The following STK32C variants were observed in gnomAD, a reference collection of about 807,000 sequenced individuals.
STK32C encodes the protein serine/threonine kinase 32C.
Under a neutral mutation model 56.5 loss-of-function variants are expected in STK32C, and 31 were observed. That is an observed-to-expected ratio of 0.55 (90% CI 0.41 to 0.74). The LOEUF (loss-of-function observed/expected upper bound fraction) is 0.74. STK32C is among the 30% of genes least tolerant of loss of function. The pLI is 0.00. For missense variants in STK32C, 544 were observed against 676.9 expected, an observed-to-expected ratio of 0.80 and a Z score of 2.18; for synonymous variants, 309 against 289.4, an observed-to-expected ratio of 1.07 and a Z score of -0.69.
intron 1 of STK32C, among the ~76,000 whole-genome samples, chr10:132,327,236 C>T (rs900198079): frequency 6.6e-6 from 1 of 152,128 alleles, no homozygotes; most frequent in Non-Finnish European, 1.5e-5. Context: ...AAGGGGAGTT[C>T]CCCTGCACAA....
At chr10:132,318,756 C>T (rs979370238) in intron 1 of STK32C, among the ~76,000 whole-genome samples, 1 of 151,732 alleles carries the variant, frequency 6.6e-6, no homozygotes, top group Non-Finnish European at 1.5e-5. Context: ...TTTAAAATTG[C>T]TTTTAGTTTA....
At chr10:132,271,124 CAG>C (rs897017316) in intron 1 of STK32C, among the ~76,000 whole-genome samples, 6 of 152,126 alleles carry the variant, frequency 3.9e-5, no homozygotes, top group Non-Finnish European at 7.4e-5. Flanking sequence ...GATAGAAATA[CAG>C]GGGGTGAGGA....
At chr10:132,331,902 G>T, upstream of STK32C, 1 of 881,372 alleles carries the variant, frequency 1.1e-6, no homozygotes, top group Non-Finnish European at 1.6e-6. Context: ...CCACCCCCGC[G>T]CAGGCGCACC....
chr10:132,294,206 C>T (rs576152602), intron 1 of STK32C, among the ~76,000 whole-genome samples: 111 of 151,302 alleles, frequency 7.3e-4, no homozygotes, highest in Non-Finnish European at 1.3e-3. Flanking sequence ...AGCCCCAGCA[C>T]GGCAGAGTCA....
intron 10 of STK32C, among the ~76,000 whole-genome samples, chr10:132,210,468 GAACTCCTGACCTC>G (rs2062255381): frequency 6.6e-6 from 1 of 152,216 alleles, no homozygotes; most frequent in African/African-American, 2.4e-5. Flanking sequence ...CGCCAGTCTT[GAACTCCTGACCTC>G]AGGTGCTCCG....
intron 1 of STK32C, among the ~76,000 whole-genome samples, chr10:132,298,539 G>A (rs73383281): frequency 0.011 from 1,670 of 152,294 alleles, 28 homozygotes; most frequent in African/African-American, 0.038. Flanking sequence ...GGACATGCTG[G>A]GAGGAGCCTG....
At chr10:132,266,408 G>C (rs1009322932) in intron 1 of STK32C, among the ~76,000 whole-genome samples, 14 of 152,260 alleles carry the variant, frequency 9.2e-5, no homozygotes, top group African/African-American at 2.6e-4. Flanking sequence ...GGTTACACAG[G>C]TGTGCCCATC....
chr10:132,220,598 G>A (rs2062607161), intron 10 of STK32C, among the ~76,000 whole-genome samples: 2 of 152,202 alleles, frequency 1.3e-5, no homozygotes, highest in African/African-American at 4.8e-5. Flanking sequence ...CATGCTGGAA[G>A]AACCTACGTG....
chr10:132,241,736 G>A (rs2063508036), intron 2 of STK32C, among the ~76,000 whole-genome samples: 1 of 152,172 alleles, frequency 6.6e-6, no homozygotes, highest in South Asian at 2.1e-4. Flanking sequence ...GGACAGAGCG[G>A]GAAGCCCAGA....
chr10:132,314,630 G>T (rs1333702527), intron 1 of STK32C, among the ~76,000 whole-genome samples: 2 of 151,986 alleles, frequency 1.3e-5, no homozygotes, highest in Non-Finnish European at 2.9e-5. Flanking sequence ...ATATAAAGAT[G>T]AATTATAACC....
At chr10:132,236,958 A>G (rs2063313668) in intron 2 of STK32C, among the ~76,000 whole-genome samples, 2 of 152,124 alleles carry the variant, frequency 1.3e-5, no homozygotes, top group African/African-American at 4.8e-5. Flanking sequence ...GTCTGTAAGT[A>G]CTAGAAGATC....
At chr10:132,210,817 C>T (rs978555758) in intron 10 of STK32C, among the ~76,000 whole-genome samples, 2 of 152,216 alleles carry the variant, frequency 1.3e-5, no homozygotes, top group Non-Finnish European at 2.9e-5. Flanking sequence ...CAGTGCCCTC[C>T]GTGTCTCTCC....
Position 132,207,910 on chromosome 10 carries a change from C to T in STK32C, c.*100G>A. 3.3e-6 allele frequency: 4 copies of T among 1,229,944 alleles called. No homozygotes were observed. The highest frequency in any genetic ancestry group is 4.2e-5 in the Admixed American group (1 of 23,820). 76.2% of individuals were successfully genotyped at this position (1,229,944 alleles called of 1,614,324 possible). A position where few individuals can be genotyped will look rare whatever the true frequency, so the allele number is the denominator to read the frequency against. ...GGCACTGTGGGCACCGCCAGCCAGG[C>T]TGGGTGGGAACGTGAATGCCAGGCC... is the stretch of plus-strand genomic sequence containing the variant. On this transcript the variant is annotated 3_prime_UTR_variant, in exon 12 of 12. Transcript: ENST00000298630.
intron 2 of STK32C, among the ~76,000 whole-genome samples, chr10:132,243,272 A>T (rs1448363508): frequency 6.6e-6 from 1 of 152,194 alleles, no homozygotes; most frequent in East Asian, 1.9e-4. Flanking sequence ...GAACAAGCAC[A>T]ATTAGGCAGC....
At chr10:132,235,074 GTGAC>G (rs1469381779) in intron 2 of STK32C, among the ~76,000 whole-genome samples, 2 of 151,878 alleles carry the variant, frequency 1.3e-5, no homozygotes, top group African/African-American at 2.4e-5. Flanking sequence ...TGTGAGCTGT[GTGAC>G]TGGTATGAAC....
At chr10:132,257,297 C>T (rs2064155972) in intron 1 of STK32C, among the ~76,000 whole-genome samples, 1 of 152,254 alleles carries the variant, frequency 6.6e-6, no homozygotes, top group African/African-American at 2.4e-5. Context: ...ATCCTCCCAC[C>T]TGCAGCCCCT....
At chr10:132,224,151 C>T (rs565336574) in intron 8 of STK32C, among the ~76,000 whole-genome samples, 79 of 152,136 alleles carry the variant, frequency 5.2e-4, no homozygotes, top group South Asian at 1.7e-3. Flanking sequence ...TGCCTGGAGA[C>T]GCAGCTCAGG....
Position 132,307,449 on chromosome 10 carries a change from A to C in STK32C, c.262+123T>G. On this transcript the variant is annotated intron_variant, in intron 1 of 11. Coordinates refer to ENST00000298630, the MANE Select transcript of STK32C (RefSeq NM_173575.4). This position sits in a 1 kb window ranked among gnomAD's most constrained non-coding sequence, Gnocchi z 4.4. Reference sequence around the variant, plus strand: ...GCCACCCGGCGCGAGCTTCTCCGGAAGCCGGGGCGCCCCGGGAAGCCGTCC... The same window carrying C: ...GCCACCCGGCGCGAGCTTCTCCGGACGCCGGGGCGCCCCGGGAAGCCGTCC... 1 of 1,123,920 alleles carries C rather than the reference A, an allele frequency of 8.9e-7. No homozygotes were observed. Among genetic ancestry groups the C allele is most frequent in the Non-Finnish European group, 1.2e-6 (1 of 858,800 alleles). 69.6% of individuals were successfully genotyped at this position (1,123,920 alleles called of 1,614,324 possible). A position where few individuals can be genotyped will look rare whatever the true frequency, so the allele number is the denominator to read the frequency against.
Position 132,222,984 on chromosome 10 carries a change from G to C in STK32C, c.996C>G (p.Leu332=). The part of the protein sequence containing the change: ...SKEMVALLRK[L]LTVNPEHRLS... ...GCCGGTGCTCGGGGTTCACAGTGAG[G>C]AGCTGCAACCAGGCATGAGTCAGAG... Residue 332 remains leucine (L), a splice_region_variant and synonymous_variant, in exon 9 of 12, where the codon CTC becomes CTG. Coordinates refer to ENST00000298630, the MANE Select transcript of STK32C (RefSeq NM_173575.4). The C allele has an allele frequency of 6.5e-7, 1 of 1,549,542 alleles. No homozygotes were observed.
Sources: allele counts gnomAD v4.1 joint callset (sites outside exome capture counted in the v4.1 genomes callset), GRCh38; gene constraint gnomAD v4.1.1; non-coding constraint Gnocchi (gnomAD v3.1); transcripts MANE v1.5; gene names NCBI Gene and HGNC (gene_info 2026-07-23, HGNC 2026-07-21).